Variants in WWP2 observed in about 807,000 individuals in gnomAD.
WWP2 encodes the protein NEDD4-like E3 ubiquitin-protein ligase WWP2.
A neutral mutation model predicts 121.0 loss-of-function variants in WWP2; 57 were observed. The ratio of observed to expected loss-of-function variants is 0.47; its 90% confidence interval spans 0.38 to 0.59. WWP2 has a LOEUF of 0.59. Among genes scored for constraint, WWP2 ranks in the 20% least tolerant of loss-of-function variants. WWP2 has a pLI of 0.00. For missense variants in WWP2, 962 were observed against 1,158.9 expected, an observed-to-expected ratio of 0.83 and a Z score of 2.47; for synonymous variants, 449 against 441.3, an observed-to-expected ratio of 1.02 and a Z score of -0.22.
intron 1 of WWP2, chr16:69,776,173 G>GT (rs1366157459): frequency 6.6e-6 from 1 of 152,114 alleles, no homozygotes; most frequent in African/African-American, 2.4e-5. Flanking sequence ...ATATTTAACT[G>GT]TTTTTCTCCC....
intron 8 of WWP2, among the ~76,000 whole-genome samples, chr16:69,906,737 G>A (rs2058300625): frequency 6.6e-6 from 1 of 152,110 alleles, no homozygotes; most frequent in African/African-American, 2.4e-5. Flanking sequence ...AAGATTAGCT[G>A]GGCCTCGTGG....
intron 4 of WWP2, among the ~76,000 whole-genome samples, chr16:69,818,572 G>A (rs1041721660): frequency 3.1e-4 from 47 of 152,128 alleles, no homozygotes; most frequent in Admixed American, 6.6e-4. Context: ...CTTGTCCCAA[G>A]GTCGCCAGTG....
At chr16:69,816,675 C>T (rs1248945694) in intron 4 of WWP2, among the ~76,000 whole-genome samples, 2 of 151,782 alleles carry the variant, frequency 1.3e-5, no homozygotes, top group African/African-American at 2.4e-5. Context: ...TTCTGAATTC[C>T]CTCATATGTA....
At chr16:69,907,879 C>T (rs1043197125) in intron 8 of WWP2, among the ~76,000 whole-genome samples, 1 of 152,170 alleles carries the variant, frequency 6.6e-6, no homozygotes, top group African/African-American at 2.4e-5. Flanking sequence ...GTAAATGAAT[C>T]TTATATTACA....
At chr16:69,790,997 AATTAT>A (rs1360344385) in intron 2 of WWP2, among the ~76,000 whole-genome samples, 6 of 152,112 alleles carry the variant, frequency 3.9e-5, no homozygotes, top group African/African-American at 1.4e-4. Flanking sequence ...GAAATATTTT[AATTAT>A]ATTTCTTGGA....
Position 69,799,966 on chromosome 16 carries a change from CGAAT to C in WWP2, c.340+677_340+680del, listed in dbSNP as rs2056127395. On this transcript the variant is annotated intron_variant, in intron 4 of 23. Coordinates refer to ENST00000359154, the MANE Select transcript of WWP2 (RefSeq NM_001270454.2). This position sits in a 1 kb window ranked among gnomAD's most constrained non-coding sequence, Gnocchi z 4.5. Reference sequence around the variant, plus strand: ...CTATTCAGAGCAGTACCATATGTGGCGAATGAATGGCATGGAAAGAAAGGCTCCT... The same window carrying C: ...CTATTCAGAGCAGTACCATATGTGGCGAATGGCATGGAAAGAAAGGCTCCT... Among the ~76,000 whole-genome samples the C allele has an allele frequency of 6.8e-6, 1 of 147,832 alleles. No individual in the cohort carries two copies. Among genetic ancestry groups the C allele is most frequent in the Non-Finnish European group, 1.5e-5 (1 of 67,598 alleles).
At chr16:69,842,967 CTTA>C (rs2057006715) in intron 6 of WWP2, among the ~76,000 whole-genome samples, 1 of 152,128 alleles carries the variant, frequency 6.6e-6, no homozygotes, top group Admixed American at 6.5e-5. Flanking sequence ...CTGTATCTGA[CTTA>C]TTTTTTATTC....
At chr16:69,796,204 A>G (rs2056040526) in intron 2 of WWP2, among the ~76,000 whole-genome samples, 1 of 152,180 alleles carries the variant, frequency 6.6e-6, no homozygotes. Context: ...AAAGGGGCAC[A>G]ATGTCTAGAG....
intron 1 of WWP2, among the ~76,000 whole-genome samples, chr16:69,784,884 G>A (rs2055748810): frequency 6.6e-6 from 1 of 151,630 alleles, no homozygotes; most frequent in Non-Finnish European, 1.5e-5. Context: ...ACACTTCAAG[G>A]AAAACAACAC....
At chr16:69,762,767 G>A (rs1314957904) in intron 1 of WWP2, among the ~76,000 whole-genome samples, 1 of 152,202 alleles carries the variant, frequency 6.6e-6, no homozygotes, top group Non-Finnish European at 1.5e-5. Context: ...GCTGGAAGGG[G>A]GTGCCTGAAA....
intron 8 of WWP2, among the ~76,000 whole-genome samples, chr16:69,892,159 C>G (rs746852145): frequency 1.9e-4 from 29 of 151,224 alleles, no homozygotes; most frequent in African/African-American, 9.9e-5. Flanking sequence ...CAATGATTCT[C>G]TCTTTTTTTT....
In WWP2 at chr16:69,937,770, A is replaced by G; in HGVS notation, c.2343+118A>G. On this transcript the variant is annotated intron_variant, in intron 21 of 23. Transcript: ENST00000359154. The surrounding 1 kb of genome is among the most constrained non-coding windows in gnomAD (Gnocchi z 6.6). ...CTTTGGCCCTGTCCTTGCCTCCCAC[A>G]CCTTGCAAAAGGAGACGATAGACCA... 1.1e-6 allele frequency: 1 copy of G among 923,256 alleles called. No homozygotes were observed. The highest frequency in any genetic ancestry group is 1.7e-6 in the Non-Finnish European group (1 of 604,272). 57.2% of individuals were successfully genotyped at this position (923,256 alleles called of 1,614,324 possible).
chr16:69,769,448 A>T (rs920653913), intron 1 of WWP2, among the ~76,000 whole-genome samples: 1 of 152,098 alleles, frequency 6.6e-6, no homozygotes, highest in Non-Finnish European at 1.5e-5. Flanking sequence ...ATTGAAAAAA[A>T]TTTTTTAAAA....
chr16:69,934,210 C>T lies in WWP2; in HGVS notation c.1842+81C>T, dbSNP rs995179242. The T allele has an allele frequency of 3.5e-5, 53 of 1,527,520 alleles. No individual in the cohort carries two copies. In the African/African-American group the frequency reaches 6.3e-4, roughly 18 times the overall value. The allele number at this position is 1,527,520 out of a possible 1,614,324, so 94.6% of individuals were successfully genotyped here. A position where few individuals can be genotyped will look rare whatever the true frequency, so the allele number is the denominator to read the frequency against. On this transcript the variant is annotated intron_variant, in intron 17 of 23. Coordinates refer to ENST00000359154, the MANE Select transcript of WWP2 (RefSeq NM_001270454.2). ...CTCCTGGTGAAGTGTGCCAGGGGCA[C>T]CAGGGGAATCTGCTCTTTCTCTGAG...
At chr16:69,819,730 A>G (rs2056559186) in intron 4 of WWP2, among the ~76,000 whole-genome samples, 1 of 152,140 alleles carries the variant, frequency 6.6e-6, no homozygotes, top group Non-Finnish European at 1.5e-5. Context: ...AAGGCATGTA[A>G]TTCAGGGATT....
chr16:69,780,302 A>G (rs1419792035), intron 1 of WWP2, among the ~76,000 whole-genome samples: 3 of 151,294 alleles, frequency 2.0e-5, no homozygotes, highest in Non-Finnish European at 4.4e-5. Context: ...GGATTTGTAC[A>G]TGTGGATTAA....
chr16:69,791,877 G>A (rs918344087), intron 2 of WWP2, among the ~76,000 whole-genome samples: 1 of 152,070 alleles, frequency 6.6e-6, no homozygotes, highest in Non-Finnish European at 1.5e-5. Context: ...CACCTGTCCA[G>A]CACATACTTC....
intron 7 of WWP2, among the ~76,000 whole-genome samples, chr16:69,881,826 G>A (rs1208829754): frequency 6.6e-6 from 1 of 152,108 alleles, no homozygotes; most frequent in African/African-American, 2.4e-5. Flanking sequence ...CGAGTAGCTG[G>A]GACTACAGGC....
intron 4 of WWP2, among the ~76,000 whole-genome samples, chr16:69,826,843 G>T (rs1480072275): frequency 6.6e-6 from 1 of 151,170 alleles, no homozygotes; most frequent in Non-Finnish European, 1.5e-5. Context: ...GGAGGCTGAG[G>T]CAGGAGAATG....
Sources: allele counts gnomAD v4.1 joint callset (sites outside exome capture counted in the v4.1 genomes callset), GRCh38; gene constraint gnomAD v4.1.1; non-coding constraint Gnocchi (gnomAD v3.1); transcripts MANE v1.5; gene names NCBI Gene and HGNC (gene_info 2026-07-23, HGNC 2026-07-21).